The following ADGB variants were observed in gnomAD, a reference collection of about 807,000 sequenced individuals.
ADGB encodes calpain-7-like protein.
ADGB carries 172 observed loss-of-function variants against 210.5 expected under a neutral mutation model. That is an observed-to-expected ratio of 0.82 (90% CI 0.72 to 0.93). The LOEUF (loss-of-function observed/expected upper bound fraction) is 0.93. Ranked by LOEUF, ADGB falls within the 40% of genes least tolerant of loss-of-function variation. ADGB has a pLI of 0.00. For synonymous variants in ADGB, 658 were observed against 662.7 expected (o/e 0.99, Z 0.11); for missense variants, 2,025 against 1,964.8 (o/e 1.03, Z -0.58).
At chr6:146,645,762 A>G (rs1164502633) in intron 3 of ADGB, among the ~76,000 whole-genome samples, 2 of 152,068 alleles carry the variant, frequency 1.3e-5, no homozygotes, top group Admixed American at 1.3e-4. Context: ...AGTAAATCAG[A>G]TGAATCTAAA....
At chr6:146,735,747 TC>T (rs1223311589) in intron 22 of ADGB, among the ~76,000 whole-genome samples, 1 of 152,244 alleles carries the variant, frequency 6.6e-6, no homozygotes, top group Non-Finnish European at 1.5e-5. Context: ...GAGTTTGTGT[TC>T]AACTATTCAA....
chr6:146,642,708 A>G (rs187951777), intron 2 of ADGB, among the ~76,000 whole-genome samples: 2 of 151,930 alleles, frequency 1.3e-5, no homozygotes, highest in East Asian at 1.9e-4. Flanking sequence ...GAGCTAAATC[A>G]TAAGAACTTA....
At chr6:146,645,726 T>C (rs1775599420) in intron 3 of ADGB, among the ~76,000 whole-genome samples, 1 of 152,022 alleles carries the variant, frequency 6.6e-6, no homozygotes, top group Non-Finnish European at 1.5e-5. Flanking sequence ...ATGTCCACCA[T>C]ATTTTTCAAG....
chr6:146,633,736 C>T (rs1292246807), intron 1 of ADGB, among the ~76,000 whole-genome samples: 1 of 152,022 alleles, frequency 6.6e-6, no homozygotes, highest in East Asian at 1.9e-4. Flanking sequence ...CATCAGTTCC[C>T]CTGTACTGTG....
intron 33 of ADGB, among the ~76,000 whole-genome samples, chr6:146,793,777 G>A (rs918940465): frequency 6.6e-6 from 1 of 152,178 alleles, no homozygotes. Context: ...GTAAATGCCA[G>A]GCAGTGTCTT....
At chr6:146,691,466 A>G (rs1158262449) in intron 11 of ADGB, among the ~76,000 whole-genome samples, 176 bp downstream of exon 11, 1 of 15,222 alleles carries the variant, frequency 6.6e-5, no homozygotes, top group Non-Finnish European at 1.0e-4. Flanking sequence ...ATAAAAATAT[A>G]TATATATATA....
intron 29 of ADGB, among the ~76,000 whole-genome samples, chr6:146,771,962 G>A (rs1777658541): frequency 6.6e-6 from 1 of 151,970 alleles, no homozygotes; most frequent in African/African-American, 2.4e-5. Context: ...GGACAGTGTG[G>A]GCTTTTTCAT....
intron 29 of ADGB, among the ~76,000 whole-genome samples, chr6:146,781,171 C>A (rs868819957): frequency 2.5e-3 from 223 of 90,870 alleles, no homozygotes; most frequent in Middle Eastern, 0.01. Context: ...ACTAAAAATA[C>A]AAAAAAAAAA....
chr6:146,735,862 A>G (rs772922916), intron 22 of ADGB, among the ~76,000 whole-genome samples: 37 of 152,256 alleles, frequency 2.4e-4, no homozygotes, highest in Non-Finnish European at 4.9e-4. Context: ...ATAGCAGTCA[A>G]TGAAACAGAC....
At chr6:146,733,033 TATTTTTA>T in intron 20 of ADGB, 80 bp from the exon 21 acceptor site, 2 of 1,053,378 alleles carry the variant, frequency 1.9e-6, no homozygotes, top group Non-Finnish European at 2.6e-6. Context: ...TTTTATTTTT[TATTTTTA>T]GAGTATCTAA....
At chr6:146,650,535 T>G (rs77408575) in intron 3 of ADGB, among the ~76,000 whole-genome samples, 21 of 129,954 alleles carry the variant, frequency 1.6e-4, no homozygotes, top group Non-Finnish European at 3.1e-4. Context: ...AATTCACATG[T>G]TTTTTTTTTT....
chr6:146,720,214 C>T (rs913100143), intron 16 of ADGB, among the ~76,000 whole-genome samples: 2 of 152,088 alleles, frequency 1.3e-5, no homozygotes, highest in African/African-American at 4.8e-5. Flanking sequence ...GTCAAGAGTA[C>T]CAGCCTTAGA....
At chr6:146,641,294 A>G (rs747933491) in intron 2 of ADGB, among the ~76,000 whole-genome samples, 5 of 152,048 alleles carry the variant, frequency 3.3e-5, no homozygotes, top group Non-Finnish European at 7.4e-5. Context: ...AGATAGGAAG[A>G]ATCACTATCA....
At chr6:146,666,128 A>G (rs917192252) in intron 6 of ADGB, among the ~76,000 whole-genome samples, 1 of 152,092 alleles carries the variant, frequency 6.6e-6, no homozygotes, top group Admixed American at 6.6e-5. Flanking sequence ...TGGTAATGCC[A>G]TTAACACTAC....
At chr6:146,643,715 A>G (rs932264062) in intron 2 of ADGB, among the ~76,000 whole-genome samples, 2 of 151,938 alleles carry the variant, frequency 1.3e-5, no homozygotes, top group African/African-American at 4.8e-5. Context: ...GCAGATGTTC[A>G]CAGCAGCTTT....
At chr6:146,791,590 G>T (rs1777957141) in intron 33 of ADGB, among the ~76,000 whole-genome samples, 1 of 152,056 alleles carries the variant, frequency 6.6e-6, no homozygotes, top group African/African-American at 2.4e-5. Flanking sequence ...GAATCCTCCA[G>T]CCTCAGCCTC....
intron 3 of ADGB, among the ~76,000 whole-genome samples, chr6:146,652,952 G>T (rs572339988): frequency 7.2e-5 from 11 of 152,224 alleles, no homozygotes; most frequent in African/African-American, 2.4e-4. Context: ...GTTAGGAACC[G>T]GGCCACACAG....
At chr6:146,662,824 C>G (rs995076292) in intron 5 of ADGB, among the ~76,000 whole-genome samples, 1 of 151,014 alleles carries the variant, frequency 6.6e-6, no homozygotes, top group African/African-American at 2.4e-5. Context: ...TCTCAAATGC[C>G]AGTTTAGTTT....
intron 26 of ADGB, among the ~76,000 whole-genome samples, chr6:146,747,574 C>G (rs1198272490): frequency 6.6e-6 from 1 of 151,838 alleles, no homozygotes; most frequent in Non-Finnish European, 1.5e-5. Context: ...TTTTGGCATG[C>G]TATAGTAAGT....
Sources: allele counts gnomAD v4.1 joint callset (sites outside exome capture counted in the v4.1 genomes callset), GRCh38; gene constraint gnomAD v4.1.1; transcripts MANE v1.5; gene names NCBI Gene and HGNC (gene_info 2026-07-23, HGNC 2026-07-21).